The following PREP variants were observed in gnomAD, a reference collection of about 807,000 sequenced individuals.
PREP encodes the protein prolyl endopeptidase, also known as dJ355L5.1 (prolyl endopeptidase).
A neutral mutation model predicts 87.6 loss-of-function variants in PREP; 29 were observed. That is an observed-to-expected ratio of 0.33 (90% CI 0.25 to 0.45). PREP has a LOEUF of 0.45. Ranked by LOEUF, PREP falls within the 20% of genes least tolerant of loss-of-function variation. The pLI is 1.00. For missense variants in PREP, 695 were observed against 886.5 expected, an observed-to-expected ratio of 0.78 and a Z score of 2.74; for synonymous variants, 337 against 328.6, an observed-to-expected ratio of 1.03 and a Z score of -0.28.
chr6:105,289,975 G>T (rs890787019), intron 10 of PREP, among the ~76,000 whole-genome samples: 26 of 152,074 alleles, frequency 1.7e-4, no homozygotes, highest in Non-Finnish European at 3.2e-4. Context: ...GAGTGGCAGG[G>T]ATGCAGATTT....
intron 10 of PREP, among the ~76,000 whole-genome samples, chr6:105,289,616 A>T (rs1562188070): frequency 6.6e-6 from 1 of 152,188 alleles, no homozygotes; most frequent in Non-Finnish European, 1.5e-5. Context: ...TGGATAAAGG[A>T]TTTTAAAAAA....
At chr6:105,363,011 T>C (rs1202901448) in intron 6 of PREP, among the ~76,000 whole-genome samples, 2 of 152,212 alleles carry the variant, frequency 1.3e-5, no homozygotes, top group Non-Finnish European at 2.9e-5. Context: ...GCATGCCTAC[T>C]ATAAGTCAAG....
intron 10 of PREP, among the ~76,000 whole-genome samples, chr6:105,316,776 AT>A (rs1435839975): frequency 6.6e-6 from 1 of 152,158 alleles, no homozygotes; most frequent in Non-Finnish European, 1.5e-5. Context: ...AATAAATCAT[AT>A]TTACAAATCA....
chr6:105,357,076 T>C (rs185240914), intron 6 of PREP, among the ~76,000 whole-genome samples: 74 of 152,328 alleles, frequency 4.9e-4, no homozygotes, highest in Admixed American at 2.5e-3. Flanking sequence ...GCTTTTAATA[T>C]ACATGGCTAA....
At chr6:105,325,928 T>C (rs535413609) in intron 9 of PREP, among the ~76,000 whole-genome samples, 160 of 152,184 alleles carry the variant, frequency 1.1e-3, no homozygotes, top group African/African-American at 3.3e-3. Flanking sequence ...GGGAGATCAG[T>C]TGGTATGTTC....
At chr6:105,360,870 C>T (rs1005460026) in intron 6 of PREP, among the ~76,000 whole-genome samples, 5 of 152,160 alleles carry the variant, frequency 3.3e-5, no homozygotes, top group African/African-American at 1.2e-4. Context: ...GAGTCTTGAT[C>T]AAACAATTCC....
chr6:105,393,615 T>C (rs981963673), intron 2 of PREP, among the ~76,000 whole-genome samples: 5 of 152,184 alleles, frequency 3.3e-5, no homozygotes, highest in African/African-American at 9.7e-5. Context: ...GCAAGCTACA[T>C]ATACAATTTA....
At chr6:105,338,142 C>T (rs60034929) in intron 7 of PREP, among the ~76,000 whole-genome samples, 179 of 152,278 alleles carry the variant, frequency 1.2e-3, no homozygotes, top group African/African-American at 3.7e-3. Context: ...CATTTGTAGA[C>T]GCAAAATCTT....
chr6:105,302,574 G>A (rs1017356513), intron 10 of PREP: 11 of 394,544 alleles, frequency 2.8e-5, no homozygotes, highest in South Asian at 1.3e-4. Flanking sequence ...TTCTCAGGCC[G>A]CAGGTCCAGG....
At chr6:105,385,087 A>G (rs1006898660) in intron 2 of PREP, among the ~76,000 whole-genome samples, 5 of 152,162 alleles carry the variant, frequency 3.3e-5, no homozygotes, top group Admixed American at 2.0e-4. Context: ...AGCAGGCTGG[A>G]AAGAGGAGAG....
intron 9 of PREP, among the ~76,000 whole-genome samples, chr6:105,324,999 T>C (rs1436171761): frequency 1.3e-5 from 2 of 152,222 alleles, no homozygotes; most frequent in Admixed American, 6.5e-5. Context: ...GGATATTTGT[T>C]AGAATATACC....
intron 10 of PREP, among the ~76,000 whole-genome samples, chr6:105,306,280 G>A (rs1248121334): frequency 6.6e-6 from 1 of 152,190 alleles, no homozygotes; most frequent in African/African-American, 2.4e-5. Context: ...GATGGTGGAT[G>A]GGGAATACTG....
chr6:105,343,518 T>C (rs1771717237), intron 7 of PREP, among the ~76,000 whole-genome samples: 1 of 152,110 alleles, frequency 6.6e-6, no homozygotes, highest in African/African-American at 2.4e-5. Flanking sequence ...GAAGCCAAAA[T>C]TGACAAATAG....
intron 10 of PREP, among the ~76,000 whole-genome samples, chr6:105,306,516 CAT>C (rs1770661682): frequency 6.6e-6 from 1 of 152,160 alleles, no homozygotes; most frequent in Non-Finnish European, 1.5e-5. Flanking sequence ...TGGCCCCTCT[CAT>C]AGTCAAATGC....
At chr6:105,323,017 T>C (rs1450112168) in intron 10 of PREP, 11 of 1,303,764 alleles carry the variant, frequency 8.4e-6, no homozygotes, top group Admixed American at 4.6e-5. Flanking sequence ...TGGTGCCCTA[T>C]TGGTGACCTC....
intron 2 of PREP, among the ~76,000 whole-genome samples, chr6:105,378,862 TATC>T (rs1562223388): frequency 3.9e-5 from 6 of 152,180 alleles, no homozygotes. Context: ...CTTTTGGATA[TATC>T]ATCAAACTCT....
chr6:105,314,026 G>A (rs1770811317), intron 10 of PREP, among the ~76,000 whole-genome samples: 1 of 152,106 alleles, frequency 6.6e-6, no homozygotes, highest in African/African-American at 2.4e-5. Flanking sequence ...AATAGAGCAA[G>A]TATCAAAAAA....
intron 10 of PREP, among the ~76,000 whole-genome samples, chr6:105,306,705 G>A (rs1481810837): frequency 2.0e-5 from 3 of 152,066 alleles, no homozygotes; most frequent in African/African-American, 7.2e-5. Flanking sequence ...CATACACACT[G>A]TTGGAGTTTT....
chr6:105,373,507 T>C lies in PREP; in HGVS notation c.457A>G (p.Ile153Val), dbSNP rs1772610283. Residue 153 changes from isoleucine (I) to valine (V), a missense_variant, in exon 5 of 15, where the codon ATC (isoleucine) becomes GTC (valine). Physicochemically the swap from Ile to Val is conservative, Grantham distance 29 (BLOSUM62 3). Around this residue, in one of 5 missense-constraint regions of PREP, gnomAD observed 517 missense variants for 620.3 expected, o/e 0.83. Transcript: ENST00000652536. ...LSASGSDWVT[I>V]KFMKVDGAKE... ...GCACCATCAACTTTCATGAACTTGA[T>C]TGTCACCCAGTCTGAGCCACTGGCA... 3.7e-6 allele frequency: 6 copies of C among 1,614,186 alleles called. No homozygotes were observed. Among genetic ancestry groups the C allele is most frequent in the Non-Finnish European group, 5.1e-6 (6 of 1,180,040 alleles).
Sources: gnomAD v4.1 joint callset for allele counts (sites outside exome capture counted in the v4.1 genomes callset) on GRCh38, gnomAD v4.1.1 for gene constraint, gnomAD v4.1.1 regional missense constraint, MANE v1.5 for transcripts, NCBI Gene and HGNC (gene_info 2026-07-23, HGNC 2026-07-21) for gene names.